PALLD: variants seen among roughly 807,000 people sequenced by gnomAD.
PALLD encodes palladin.
In PALLD, 61 loss-of-function variants were observed where a neutral mutation model predicts 123.5. The observed-to-expected ratio is 0.49, with a 90% CI of 0.40 to 0.61. The LOEUF (loss-of-function observed/expected upper bound fraction) is 0.61, where lower values mean the gene tolerates loss of function less well. PALLD is among the 20% of genes least tolerant of loss of function. The pLI is 0.00. For synonymous variants in PALLD, 465 were observed against 496.4 expected (o/e 0.94, Z 0.84); for missense variants, 1,273 against 1,377.0 (o/e 0.92, Z 1.20).
chr4:168,702,179 G>C (rs1783738801), intron 8 of PALLD, among the ~76,000 whole-genome samples: 1 of 152,080 alleles, frequency 6.6e-6, no homozygotes, highest in Non-Finnish European at 1.5e-5. Context: ...TGCAGAACTA[G>C]AGAGGCTAGA....
intron 10 of PALLD, among the ~76,000 whole-genome samples, chr4:168,766,883 T>C (rs1301047199): frequency 6.6e-6 from 1 of 152,230 alleles, no homozygotes; most frequent in African/African-American, 2.4e-5. Context: ...TTGAGAAATG[T>C]AGAGGATGGG....
chr4:168,817,409 C>T (rs1742125400), intron 10 of PALLD, among the ~76,000 whole-genome samples: 1 of 152,166 alleles, frequency 6.6e-6, no homozygotes, highest in Non-Finnish European at 1.5e-5. Context: ...ATAACTGTAT[C>T]CTTTGAGAAA....
chr4:168,575,144 G>A (rs184850495), intron 2 of PALLD, among the ~76,000 whole-genome samples: 26 of 152,200 alleles, frequency 1.7e-4, no homozygotes, highest in African/African-American at 6.0e-4. Context: ...TCTCACTTTA[G>A]TATGCATCAG....
intron 10 of PALLD, among the ~76,000 whole-genome samples, chr4:168,831,303 G>A (rs1031519476): frequency 6.7e-6 from 1 of 148,822 alleles, no homozygotes; most frequent in African/African-American, 2.5e-5. Flanking sequence ...GTGTAGATGA[G>A]CGTTAAAATA....
At chr4:168,600,069 GTA>G (rs764612384) in intron 2 of PALLD, among the ~76,000 whole-genome samples, 4 of 144,518 alleles carry the variant, frequency 2.8e-5, no homozygotes, top group Non-Finnish European at 6.0e-5. Context: ...ACATACATGT[GTA>G]TACACACACA....
intron 2 of PALLD, among the ~76,000 whole-genome samples, chr4:168,634,187 C>T (rs1321607683): frequency 6.6e-6 from 1 of 152,192 alleles, no homozygotes; most frequent in Non-Finnish European, 1.5e-5. Context: ...ACTTGGACGT[C>T]CTTTCAAAGC....
At chr4:168,540,231 GCGACTA>G (rs1561225337) in intron 2 of PALLD, among the ~76,000 whole-genome samples, 2 of 152,158 alleles carry the variant, frequency 1.3e-5, no homozygotes, top group East Asian at 3.8e-4. Context: ...GTCGTCATAG[GCGACTA>G]CTATCAGATT....
intron 8 of PALLD, among the ~76,000 whole-genome samples, chr4:168,701,912 G>T (rs917460511): frequency 6.6e-6 from 1 of 152,216 alleles, no homozygotes; most frequent in Non-Finnish European, 1.5e-5. Context: ...ACTTAGCACT[G>T]CCTGAAGCCC....
At position 168,926,846 on chromosome 4, in the gene PALLD, A is replaced by G. The variant is rs1762635981; in HGVS notation, c.*666A>G. The G allele has an allele frequency of 4.5e-6, 1 of 220,866 alleles. No homozygotes were observed. The highest frequency in any genetic ancestry group is 9.1e-6 in the Non-Finnish European group (1 of 110,182). 13.7% of individuals were successfully genotyped at this position (220,866 alleles called of 1,614,324 possible). A position where few individuals can be genotyped will look rare whatever the true frequency, so the allele number is the denominator to read the frequency against. ...ACAGATACAGTGAACCAAGTGCAAT[A>G]TGTAAGGATGAAAGAAGAAGAGATG... is the stretch of plus-strand genomic sequence containing the variant. On this transcript the variant is annotated 3_prime_UTR_variant, in exon 22 of 22. Coordinates refer to ENST00000505667, the MANE Select transcript of PALLD (RefSeq NM_001166108.2).
intron 10 of PALLD, among the ~76,000 whole-genome samples, chr4:168,868,148 G>C (rs1750581713): frequency 6.6e-6 from 1 of 152,144 alleles, no homozygotes; most frequent in South Asian, 2.1e-4. Context: ...AAAAGTCCCA[G>C]GGAAAGGCCC....
intron 2 of PALLD, among the ~76,000 whole-genome samples, chr4:168,520,045 C>T (rs574509113): frequency 1.3e-4 from 20 of 151,448 alleles, no homozygotes; most frequent in Non-Finnish European, 2.7e-4. Context: ...TGGCACCTTT[C>T]GCCGGGCACG....
intron 2 of PALLD, among the ~76,000 whole-genome samples, chr4:168,520,327 C>CAAA (rs1554034658): frequency 3.9e-5 from 4 of 101,592 alleles, no homozygotes; most frequent in Non-Finnish European, 7.5e-5. Context: ...ATTCCGTCAC[C>CAAA]AAAAAAAAAA....
chr4:168,522,867 T>A (rs1279870599), intron 2 of PALLD, among the ~76,000 whole-genome samples: 2 of 152,162 alleles, frequency 1.3e-5, no homozygotes. Flanking sequence ...TCCTGAACTG[T>A]GATAGAGAAA....
chr4:168,810,087 G>C (rs901478869), intron 10 of PALLD, among the ~76,000 whole-genome samples: 1 of 151,736 alleles, frequency 6.6e-6, no homozygotes, highest in Non-Finnish European at 1.5e-5. Context: ...TTGGTGTCTC[G>C]GTGGCTGCTG....
At chr4:168,639,692 C>T (rs940108362) in intron 2 of PALLD, among the ~76,000 whole-genome samples, 5 of 151,882 alleles carry the variant, frequency 3.3e-5, no homozygotes, top group Non-Finnish European at 4.4e-5. Context: ...TACAGGCACC[C>T]ACTACCACGC....
chr4:168,657,964 AAAAG>A (rs1202614879), intron 2 of PALLD, among the ~76,000 whole-genome samples: 2 of 152,184 alleles, frequency 1.3e-5, no homozygotes, highest in Non-Finnish European at 2.9e-5. Context: ...CTGTCTCAAA[AAAAG>A]AGAGAGAGCT....
chr4:168,710,814 A>G (rs1387166222), intron 9 of PALLD, among the ~76,000 whole-genome samples: 1 of 152,214 alleles, frequency 6.6e-6, no homozygotes, highest in African/African-American at 2.4e-5. Context: ...TGGGCTCTAT[A>G]AGTCTGAGTG....
intron 14 of PALLD, among the ~76,000 whole-genome samples, chr4:168,900,377 C>T (rs1038038977): frequency 2.6e-5 from 4 of 151,924 alleles, no homozygotes; most frequent in African/African-American, 9.7e-5. Context: ...TCTAAAATAA[C>T]TTTAAAAAGA....
chr4:168,501,848 G>A (rs139872154), intron 1 of PALLD, among the ~76,000 whole-genome samples: 5 of 152,250 alleles, frequency 3.3e-5, no homozygotes, highest in East Asian at 3.9e-4. Flanking sequence ...ATTAACATGC[G>A]AATGTGCACT....
Sources: gnomAD v4.1 joint callset for allele counts (sites outside exome capture counted in the v4.1 genomes callset) on GRCh38, gnomAD v4.1.1 for gene constraint, MANE v1.5 for transcripts, NCBI Gene and HGNC (gene_info 2026-07-23, HGNC 2026-07-21) for gene names.